The following ANKRD36C variants were observed in gnomAD, a reference collection of about 807,000 sequenced individuals.
The protein encoded by ANKRD36C is ankyrin repeat domain-containing protein 36C.
In ANKRD36C, 61 loss-of-function variants were observed where a neutral mutation model predicts 276.4. The ratio of observed to expected loss-of-function variants is 0.22; its 90% CI spans 0.18 to 0.27. ANKRD36C has a LOEUF of 0.27. Among genes scored for constraint, ANKRD36C ranks in the 10% least tolerant of loss-of-function variants. The pLI is 1.00. For missense variants in ANKRD36C, 1,447 were observed against 2,032.3 expected, an observed-to-expected ratio of 0.71 and a Z score of 5.54; for synonymous variants, 483 against 680.1, an observed-to-expected ratio of 0.71 and a Z score of 4.51.
rs374635142 is a variant in ANKRD36C, at chr2:95,902,641, C to T, written c.2654-3305G>A. Among the ~76,000 whole-genome samples the T allele has an allele frequency of 1.4e-3, 214 of 150,190 alleles. 11 individuals are homozygous for T. In the East Asian group the frequency reaches 0.038, roughly 26 times the overall value. ...ATGTTGTTCCCCAGAGCCCCTTATG[C>T]CTTGAACTGCTCTCCATATTTCTTC... On this transcript the variant is annotated intron_variant, in intron 42 of 66. Coordinates refer to ENST00000456556, the Ensembl canonical transcript of ANKRD36C.
chr2:95,964,335 G>A lies in ANKRD36C; in HGVS notation c.800-1788C>T, dbSNP rs546961632. Reference sequence around the variant, plus strand: ...CCTTCTAACTTCCACTTTCCATTAAGTGACTCCCCAAAGTCTCCTCATCAG... The same window carrying A: ...CCTTCTAACTTCCACTTTCCATTAAATGACTCCCCAAAGTCTCCTCATCAG... On this transcript the variant is annotated intron_variant, in intron 6 of 66. Transcript: ENST00000456556. Among the ~76,000 whole-genome samples, 15 of 151,800 alleles carry A rather than the reference G, an allele frequency of 9.9e-5. No individual in the cohort carries two copies. In the East Asian group the frequency reaches 1.9e-3, roughly 20 times the overall value.
intron 36 of ANKRD36C, among the ~76,000 whole-genome samples, chr2:95,917,643 A>G (rs544184359): frequency 6.6e-6 from 1 of 151,564 alleles, no homozygotes; most frequent in South Asian, 2.1e-4. Context: ...CAACGTGGGG[A>G]AGTGTATAAT....
Position 95,882,457 on chromosome 2 carries a change from A to G in ANKRD36C, c.3294+12T>C, listed in dbSNP as rs1431066540. On this transcript the variant is annotated intron_variant, in intron 55 of 66. Coordinates refer to ENST00000456556, the Ensembl canonical transcript of ANKRD36C. ...AATAAATAATTCAAAATATAAATGAAAGAGTAACTACCTTCTGGGCCGATT... is the reference window on the plus strand; with the variant it reads ...AATAAATAATTCAAAATATAAATGAGAGAGTAACTACCTTCTGGGCCGATT... 6.5e-7 allele frequency: 1 copy of G among 1,549,966 alleles called. No individual in the cohort carries two copies. Among genetic ancestry groups the G allele is most frequent in the Admixed American group, 1.9e-5 (1 of 51,374 alleles).
intron 6 of ANKRD36C, among the ~76,000 whole-genome samples, chr2:95,975,518 C>A (rs1277480380): frequency 6.6e-6 from 1 of 152,104 alleles, no homozygotes; most frequent in African/African-American, 2.4e-5. Flanking sequence ...GAAAAACAAG[C>A]AATGGGGAAA....
intron 38 of ANKRD36C, among the ~76,000 whole-genome samples, chr2:95,915,251 CA>C (rs781159534): frequency 9.2e-5 from 14 of 151,544 alleles, no homozygotes; most frequent in East Asian, 7.8e-4. Flanking sequence ...CCAACCTATT[CA>C]TATTTAAGTT....
At chr2:95,857,279 A>C in intron 62 of ANKRD36C, 30 bp downstream of exon 82, 1 of 1,583,460 alleles carries the variant, frequency 6.3e-7, no homozygotes, top group Non-Finnish European at 8.6e-7. Context: ...TAAGAGTAGA[A>C]ATATGAAGTT....
chr2:95,861,200 T>A (rs959576694), intron 60 of ANKRD36C, among the ~76,000 whole-genome samples: 94 of 151,402 alleles, frequency 6.2e-4, no homozygotes, highest in South Asian at 1.5e-3. Flanking sequence ...GGTTTTTTTT[T>A]AAAAAAAACA....
intron 40 of ANKRD36C, among the ~76,000 whole-genome samples, chr2:95,912,934 C>A (rs569099833): frequency 6.6e-5 from 10 of 151,320 alleles, no homozygotes; most frequent in South Asian, 2.1e-4. Context: ...CACTTCACAT[C>A]TCTTCAGTGG....
chr2:95,885,303 G>C (rs1453280837), intron 52 of ANKRD36C, among the ~76,000 whole-genome samples: 3 of 151,794 alleles, frequency 2.0e-5, no homozygotes, highest in Admixed American at 6.6e-5. Flanking sequence ...GAACAATGAA[G>C]CCAATGTATT....
intron 1 of ANKRD36C, among the ~76,000 whole-genome samples, chr2:95,987,450 C>T (rs1184543186): frequency 1.3e-5 from 2 of 151,744 alleles, no homozygotes; most frequent in Non-Finnish European, 2.9e-5. Context: ...CCTTTCTTTG[C>T]TTCAATTTCC....
intron 56 of ANKRD36C, among the ~76,000 whole-genome samples, chr2:95,882,098 G>C (rs1025863294): frequency 1.4e-5 from 2 of 146,070 alleles, no homozygotes; most frequent in African/African-American, 2.6e-5. Context: ...TTTCCATGTA[G>C]GGAAGTCTAT....
intron 48 of ANKRD36C, among the ~76,000 whole-genome samples, chr2:95,888,688 T>C (rs1392319858): frequency 6.6e-6 from 1 of 151,718 alleles, no homozygotes; most frequent in African/African-American, 2.4e-5. Context: ...ATATTCATTA[T>C]TTCTCACACC....
chr2:95,948,590 G>C, exon 17 of ANKRD36C: 6 of 1,535,176 alleles, frequency 3.9e-6, no homozygotes, highest in Middle Eastern at 1.7e-4. Context: ...CCAGTAGGTA[G>C]AGACACCTAC....
exon 28 of ANKRD36C, chr2:95,927,221 A>G: frequency 6.2e-7 from 1 of 1,610,150 alleles, no homozygotes; most frequent in Non-Finnish European, 8.5e-7. Context: ...TACCTGTCCC[A>G]GATTGTTGTC....
At chr2:95,941,086 G>C (rs1338863136) in intron 20 of ANKRD36C, 74 bp downstream of exon 20, 1 of 1,406 alleles carries the variant, frequency 7.1e-4, no homozygotes, top group Non-Finnish European at 1.0e-3. Context: ...CACCACCTTT[G>C]TTTCTTTGTA....
chr2:95,928,901 C>G (rs1032483089), intron 26 of ANKRD36C, among the ~76,000 whole-genome samples, 171 bp downstream of exon 26: 3 of 151,376 alleles, frequency 2.0e-5, no homozygotes, highest in African/African-American at 7.3e-5. Flanking sequence ...CAGATCATGA[C>G]CAAGGACCAG....
intron 58 of ANKRD36C, among the ~76,000 whole-genome samples, chr2:95,879,388 C>A (rs771117243): frequency 1.1e-4 from 17 of 151,670 alleles, no homozygotes; most frequent in Admixed American, 2.6e-4. Context: ...CATTTTATAG[C>A]ACAAAAACAT....
chr2:95,920,856 G>A (rs1677244292), intron 34 of ANKRD36C, among the ~76,000 whole-genome samples: 1 of 150,048 alleles, frequency 6.7e-6, no homozygotes, highest in Non-Finnish European at 1.5e-5. Context: ...CCTGGAACAA[G>A]GAAGCCAATG....
rs1210801911 is a variant in ANKRD36C, at chr2:95,920,047, C to T, written c.2245+1560G>A. 4.3e-6 allele frequency: 5 copies of T among 1,153,432 alleles called. 1 individual carries two copies. Among genetic ancestry groups the T allele is most frequent in the Non-Finnish European group, 5.9e-6 (5 of 843,272 alleles). The allele number at this position is 1,153,432 out of a possible 1,614,324, so 71.4% of individuals were successfully genotyped here. A position where few individuals can be genotyped will look rare whatever the true frequency, so the allele number is the denominator to read the frequency against. On this transcript the variant is annotated intron_variant, in intron 34 of 66. Coordinates refer to ENST00000456556, the Ensembl canonical transcript of ANKRD36C. ...CTAGTGTAGGCTCTGATGTCTTCTA[C>T]TTTGTGTCTTGGGACTGGAACATGA...
Sources: allele counts gnomAD v4.1 joint callset (sites outside exome capture counted in the v4.1 genomes callset), GRCh38; gene constraint gnomAD v4.1.1; transcripts MANE v1.5; gene names NCBI Gene and HGNC (gene_info 2026-07-23, HGNC 2026-07-21).